Variants in POM121C observed in about 807,000 individuals in gnomAD.
POM121C encodes nuclear envelope pore membrane protein POM 121C.
A neutral mutation model predicts 66.4 loss-of-function variants in POM121C; 20 were observed. That is an observed-to-expected ratio of 0.30 (90% confidence interval 0.21 to 0.44). The LOEUF (loss-of-function observed/expected upper bound fraction) is 0.44. Among genes scored for constraint, POM121C ranks in the 20% least tolerant of loss-of-function variants. The pLI, the probability that POM121C is intolerant of heterozygous loss-of-function variation, is 1.00. For synonymous variants in POM121C, 286 were observed against 528.0 expected (o/e 0.54, Z 6.28); for missense variants, 580 against 1,225.7 (o/e 0.47, Z 7.87).
At chr7:75,473,278 G>A (rs1214152793) in intron 3 of POM121C, among the ~76,000 whole-genome samples, 2 of 151,940 alleles carry the variant, frequency 1.3e-5, no homozygotes, top group Non-Finnish European at 2.9e-5. Context: ...GGTCTTAGAA[G>A]TTGAGATTAG....
intron 3 of POM121C, among the ~76,000 whole-genome samples, chr7:75,446,969 C>T (rs868990874): frequency 3.8e-5 from 5 of 130,108 alleles, no homozygotes; most frequent in South Asian, 2.5e-4. Flanking sequence ...TATGGCGCCA[C>T]TGCACTCCAG....
At chr7:75,477,395 C>G (rs1333540716) in intron 1 of POM121C, among the ~76,000 whole-genome samples, 1 of 152,178 alleles carries the variant, frequency 6.6e-6, no homozygotes, top group African/African-American at 2.4e-5. Context: ...CCAGCCTGGT[C>G]AACATGGTGA....
At chr7:75,467,289 T>G (rs1791689160) in intron 3 of POM121C, among the ~76,000 whole-genome samples, 1 of 152,118 alleles carries the variant, frequency 6.6e-6, no homozygotes, top group Non-Finnish European at 1.5e-5. Context: ...CCCAGCACTT[T>G]GGGAGGCTGA....
At chr7:75,468,864 T>C (rs1791772089) in intron 3 of POM121C, among the ~76,000 whole-genome samples, 1 of 152,164 alleles carries the variant, frequency 6.6e-6, no homozygotes, top group Admixed American at 6.6e-5. Context: ...TGTCTATTTA[T>C]TTTTAAAACA....
rs1387196818 is a variant in POM121C at position 75,485,891 on chromosome 7, C to T, written c.-485G>A. ...TCCTGGGGCTCCGCAGCCTCTGCCC[C>T]ACGGCTCCCGAGAGGCCGGGGCGGG... On this transcript the variant is annotated 5_prime_UTR_variant, in exon 1 of 15. Transcript: ENST00000615331. 2.0e-6 allele frequency: 1 copy of T among 503,996 alleles called. No individual in the cohort carries two copies. Among genetic ancestry groups the T allele is most frequent in the Non-Finnish European group, 3.9e-6 (1 of 255,572 alleles). The allele number at this position is 503,996 out of a possible 1,614,324, so 31.2% of individuals were successfully genotyped here.
At chr7:75,478,084 A>T (rs1340511028) in intron 1 of POM121C, among the ~76,000 whole-genome samples, 6 of 152,090 alleles carry the variant, frequency 3.9e-5, no homozygotes, top group Non-Finnish European at 7.4e-5. Flanking sequence ...CTTCTGCCTC[A>T]GCCTCCCGAG....
intron 1 of POM121C, among the ~76,000 whole-genome samples, chr7:75,476,966 GA>G: frequency 6.6e-6 from 1 of 151,730 alleles, no homozygotes; most frequent in Non-Finnish European, 1.5e-5. Context: ...ACAAACTAAA[GA>G]AAATAGAAAC....
chr7:75,441,415 C>G lies in POM121C; in HGVS notation c.65+17G>C. On this transcript the variant is annotated intron_variant, in intron 4 of 14. Transcript: ENST00000615331. The stretch of plus-strand genomic sequence containing the variant: ...GGACACGAAAAGGGAGAGTATTCTT[C>G]CAACGATAATACTCACATCGCAGAA... 1.2e-6 allele frequency: 2 copies of G among 1,613,180 alleles called. No homozygotes were observed. Among genetic ancestry groups the G allele is most frequent in the South Asian group, 2.2e-5 (2 of 91,032 alleles).
At position 75,436,456 on chromosome 7, in the gene POM121C, T is replaced by C. The variant is rs587755903; in HGVS notation, c.480+1059A>G. 5.6e-4 allele frequency among the ~76,000 whole-genome samples: 85 copies of C among 152,312 alleles called. 1 individual carries two copies. Among genetic ancestry groups the C allele is most frequent in the Admixed American group, 4.5e-3 (69 of 15,288 alleles). ...GCTGGAAAAGTTTGCTTATCAAAAA[T>C]AATAACTAGATATTAAATAATATTA... On this transcript the variant is annotated intron_variant, in intron 7 of 14. Transcript: ENST00000615331.
rs587595217 is a variant in POM121C at position 75,422,057 on chromosome 7, A to C, written c.2195T>G (p.Phe732Cys). ...CGGGGCCGGGGCTGCAGAGTTTCCA[A>C]AAGTGAAAGAGCTGCCAAAGCTGGG... ...LTPSFGSSFT[F>C]GNSAAPAPAT... is the part of the protein sequence containing the mutation. Residue 732 changes from phenylalanine to cysteine, a missense_variant, in exon 13 of 15, where the codon TTT becomes TGT. Phe to Cys is a radical substitution (Grantham distance 205). Coordinates refer to ENST00000615331, the MANE Select transcript of POM121C (RefSeq NM_001099415.3). The C allele has an allele frequency of 1.9e-6, 3 of 1,611,152 alleles. No homozygotes were observed. The highest frequency in any genetic ancestry group is 3.3e-5 in the Admixed American group (2 of 59,942).
At chr7:75,470,789 C>A (rs1791841334) in intron 3 of POM121C, among the ~76,000 whole-genome samples, 1 of 151,986 alleles carries the variant, frequency 6.6e-6, no homozygotes, top group Admixed American at 6.6e-5. Flanking sequence ...CATGCCACCA[C>A]TTCTGGCTAA....
chr7:75,418,831 G>A lies in POM121C; in HGVS notation c.2929C>T (p.Leu977=), dbSNP rs1352440120. The part of the protein sequence containing the change: ...GSKTPGARQR[L]QARRQHTRKK ...CGGGTGTGCTGCCTTCGGGCCTGCA[G>A]TCGCTGTCGAGCCCCTGGGGTCTTG... The change falls in exon 15 of 15, where the codon CTG becomes TTG. Residue 977 remains leucine, a synonymous_variant. Transcript: ENST00000615331. The A allele has an allele frequency of 3.1e-6, 5 of 1,611,802 alleles. No individual in the cohort carries two copies. Among genetic ancestry groups the A allele is most frequent in the Non-Finnish European group, 3.4e-6 (4 of 1,179,822 alleles).
At position 75,442,576 on chromosome 7, in the gene POM121C, G is replaced by A. The variant is rs1253827982; in HGVS notation, c.-151-929C>T. The A allele has an allele frequency of 6.0e-6, 9 of 1,495,258 alleles. No homozygotes were observed. In the African/African-American group the frequency reaches 1.0e-4, roughly 17 times the overall value. 92.6% of individuals were successfully genotyped at this position (1,495,258 alleles called of 1,614,324 possible). The stretch of plus-strand genomic sequence containing the variant: ...AGGCCAGCGCAGCCGCAGCAGGCAC[G>A]AGGTACAGTAGGAGGCCGACCAGCG... On this transcript the variant is annotated intron_variant, in intron 3 of 14. Transcript: ENST00000615331.
At chr7:75,455,166 A>G (rs1252132145) in intron 3 of POM121C, among the ~76,000 whole-genome samples, 1 of 152,146 alleles carries the variant, frequency 6.6e-6, no homozygotes, top group African/African-American at 2.4e-5. Context: ...TCCAGACACA[A>G]TTTCAACACG....
intron 1 of POM121C, among the ~76,000 whole-genome samples, chr7:75,475,608 T>G (rs1382068911): frequency 1.3e-5 from 2 of 151,434 alleles, no homozygotes; most frequent in Admixed American, 6.6e-5. Flanking sequence ...GTTCCTGGTC[T>G]TCTTCTTCCT....
intron 10 of POM121C, 98 bp downstream of exon 10, chr7:75,424,976 T>C (rs1789880877): frequency 6.5e-7 from 1 of 1,543,850 alleles, no homozygotes; most frequent in African/African-American, 1.5e-5. Flanking sequence ...AAAACAAAAA[T>C]AAGTTAGAAA....
At chr7:75,467,546 A>AG (rs1791702279) in intron 3 of POM121C, among the ~76,000 whole-genome samples, 1 of 151,604 alleles carries the variant, frequency 6.6e-6, no homozygotes, top group African/African-American at 2.4e-5. Flanking sequence ...AAAAAAAAAA[A>AG]AAAAAAAAAT....
chr7:75,478,127 C>T (rs1257415206), intron 1 of POM121C, among the ~76,000 whole-genome samples: 3 of 152,014 alleles, frequency 2.0e-5, no homozygotes, highest in Non-Finnish European at 2.9e-5. Flanking sequence ...CCAGCATGCC[C>T]GGCTAATTTT....
intron 7 of POM121C, among the ~76,000 whole-genome samples, chr7:75,435,502 T>C (rs1790368541): frequency 6.6e-6 from 1 of 152,212 alleles, no homozygotes; most frequent in Non-Finnish European, 1.5e-5. Flanking sequence ...TTTTATGTAA[T>C]TTAAAATAGA....
Sources: allele counts gnomAD v4.1 joint callset (sites outside exome capture counted in the v4.1 genomes callset), GRCh38; gene constraint gnomAD v4.1.1; transcripts MANE v1.5; gene names NCBI Gene and HGNC (gene_info 2026-07-23, HGNC 2026-07-21).